Variants in GANC observed in about 807,000 individuals in gnomAD.
The protein encoded by GANC is neutral alpha-glucosidase C.
In GANC, 117 loss-of-function variants were observed where a neutral mutation model predicts 124.2. That is an observed-to-expected ratio of 0.94 (90% CI 0.81 to 1.10). GANC has a LOEUF of 1.10. Ranked by LOEUF, GANC falls within the 50% of genes least tolerant of loss-of-function variation. The pLI is 0.00. For missense variants in GANC, 1,140 were observed against 1,095.0 expected (o/e 1.04, Z -0.58); for synonymous variants, 377 against 376.8 (o/e 1.00, Z -0.01).
chr15:42,326,990 C>G (rs2052203191), intron 12 of GANC, among the ~76,000 whole-genome samples: 1 of 152,188 alleles, frequency 6.6e-6, no homozygotes, highest in South Asian at 2.1e-4. Context: ...TAGAGAAACC[C>G]CGTGCCTTTC....
At chr15:42,318,239 G>A (rs1309864132) in intron 10 of GANC, among the ~76,000 whole-genome samples, 2 of 151,946 alleles carry the variant, frequency 1.3e-5, no homozygotes, top group East Asian at 3.9e-4. Flanking sequence ...CTCTTTTCTG[G>A]TTTATTCCCT....
chr15:42,344,583 C>G (rs770075572), intron 19 of GANC: 6 of 152,196 alleles, frequency 3.9e-5, no homozygotes, highest in Non-Finnish European at 7.3e-5. Context: ...GGCGACGGTT[C>G]CATCTGCTAT....
In GANC at chr15:42,273,638, A is replaced by T. The variant is rs1295012176; in HGVS notation, c.-844A>T. The T allele has an allele frequency of 1.7e-6, 1 of 596,188 alleles. No homozygotes were observed. The highest frequency in any genetic ancestry group is 2.9e-6 in the Non-Finnish European group (1 of 348,946). The allele number at this position is 596,188 out of a possible 1,614,324, so 36.9% of individuals were successfully genotyped here. On this transcript the variant is annotated 5_prime_UTR_variant, in exon 1 of 24. It removes an upstream start codon present in the reference 5' UTR. Coordinates refer to ENST00000318010, the MANE Select transcript of GANC (RefSeq NM_198141.3). ...TCAGCTGGGTTAGAGAGATCGCTAC[A>T]TGCCAGCCTGGCCTGAGTCTTTTCT...
At chr15:42,294,543 C>T (rs1202956707) in intron 5 of GANC, among the ~76,000 whole-genome samples, 1 of 146,654 alleles carries the variant, frequency 6.8e-6, no homozygotes, top group Non-Finnish European at 1.5e-5. Context: ...CCATTGCACT[C>T]CAGCCTGGGC....
intron 8 of GANC, 152 bp downstream of exon 8, chr15:42,308,470 G>T: frequency 3.8e-6 from 2 of 530,402 alleles, no homozygotes; most frequent in Non-Finnish European, 6.9e-6. Flanking sequence ...CTCCTTGAAT[G>T]ATCACTCAGA....
At chr15:42,325,813 G>A (rs1043913750) in intron 11 of GANC, among the ~76,000 whole-genome samples, 12 of 152,162 alleles carry the variant, frequency 7.9e-5, no homozygotes, top group African/African-American at 2.7e-4. Flanking sequence ...CTGGATTGCA[G>A]TATCATGATC....
intron 15 of GANC, among the ~76,000 whole-genome samples, chr15:42,336,060 T>C (rs2052280497): frequency 6.6e-6 from 1 of 151,674 alleles, no homozygotes; most frequent in South Asian, 2.1e-4. Flanking sequence ...ATTTATAGAT[T>C]CCGTGCTATT....
At chr15:42,322,266 G>A (rs1018417674) in intron 11 of GANC, among the ~76,000 whole-genome samples, 24 of 152,118 alleles carry the variant, frequency 1.6e-4, no homozygotes, top group African/African-American at 2.4e-4. Flanking sequence ...TTTCAGTTCC[G>A]TTTGTTGTGG....
chr15:42,278,945 T>C (rs1022428327), intron 3 of GANC, among the ~76,000 whole-genome samples: 1 of 152,098 alleles, frequency 6.6e-6, no homozygotes, highest in African/African-American at 2.4e-5. Context: ...CAGTGAGCCA[T>C]GATAGTGCCA....
Position 42,353,177 on chromosome 15 carries a change from C to T in GANC, c.*1038C>T, listed in dbSNP as rs981007164. The T allele has an allele frequency of 2.3e-5, 23 of 985,832 alleles. No individual in the cohort carries two copies. The highest frequency in any genetic ancestry group is 6.2e-5 in the Admixed American group (1 of 16,260). 61.1% of individuals were successfully genotyped at this position (985,832 alleles called of 1,614,324 possible). A position where few individuals can be genotyped will look rare whatever the true frequency, so the allele number is the denominator to read the frequency against. On this transcript the variant is annotated 3_prime_UTR_variant, in exon 24 of 24. Transcript: ENST00000318010. ...TCATGGTGCCCAAGGCTCCACAGAC[C>T]TCAGTGGCTCCCTGCTGCCTGCCAC...
chr15:42,320,138 G>A (rs529073488), intron 10 of GANC, among the ~76,000 whole-genome samples: 2 of 152,246 alleles, frequency 1.3e-5, no homozygotes, highest in African/African-American at 4.8e-5. Context: ...AGCTGAGATC[G>A]TGCCACTGCA....
At chr15:42,327,491 G>C (rs1269826931) in intron 13 of GANC, 49 bp downstream of exon 13, 3 of 1,369,888 alleles carry the variant, frequency 2.2e-6, no homozygotes, top group Non-Finnish European at 3.1e-6. Flanking sequence ...AAGAGTGAAA[G>C]AAGTGGAAAA....
chr15:42,311,553 C>T (rs938409581), intron 10 of GANC, among the ~76,000 whole-genome samples: 1 of 152,130 alleles, frequency 6.6e-6, no homozygotes, highest in African/African-American at 2.4e-5. Flanking sequence ...GTCCTGCAGG[C>T]TGTACAGGAA....
intron 18 of GANC, 31 bp from the exon 19 acceptor site, chr15:42,343,047 T>C (rs374510664): frequency 8.2e-5 from 129 of 1,571,938 alleles, no homozygotes; most frequent in Non-Finnish European, 1.1e-4. Flanking sequence ...CTTATAATGA[T>C]ACTCAACTTT....
At position 42,274,184 on chromosome 15, in the gene GANC, G is replaced by GC; in HGVS notation, c.-295dup. 2.5e-6 allele frequency: 1 copy of GC among 401,118 alleles called. No individual in the cohort carries two copies. The allele number at this position is 401,118 out of a possible 1,614,324, so 24.8% of individuals were successfully genotyped here. ...ACCCTCTAGGACTCATTGCGTACAC[G>GC]CCCTCACCGCCGCCCAGTTTCGGTT... On this transcript the variant is annotated 5_prime_UTR_variant, in exon 1 of 24. Transcript: ENST00000318010.
In GANC at chr15:42,313,805, C is replaced by A. The variant is rs868371722; in HGVS notation, c.1057+2959C>A. On this transcript the variant is annotated intron_variant, in intron 10 of 23. Coordinates refer to ENST00000318010, the MANE Select transcript of GANC (RefSeq NM_198141.3). The stretch of plus-strand genomic sequence containing the variant: ...GACATGGGCTGGGCACAGTGGCTCA[C>A]GCCTGTAATCCCAGTGCTTTGGGAA... 3.3e-5 allele frequency: 16 copies of A among 483,940 alleles called. 1 individual carries two copies. The South Asian group carries it at 3.9e-4, about 12-fold the overall frequency. 30.0% of individuals were successfully genotyped at this position (483,940 alleles called of 1,614,324 possible).
intron 6 of GANC, among the ~76,000 whole-genome samples, chr15:42,297,976 T>C (rs899382971): frequency 6.6e-6 from 1 of 152,116 alleles, no homozygotes; most frequent in South Asian, 2.1e-4. Flanking sequence ...TTAGAATCTA[T>C]TGGGAAAGAC....
intron 5 of GANC, among the ~76,000 whole-genome samples, chr15:42,294,142 A>G (rs908582944): frequency 5.9e-5 from 9 of 151,458 alleles, no homozygotes; most frequent in African/African-American, 1.5e-4. Flanking sequence ...TTTCCTATCT[A>G]AGTTGATCCT....
rs779761506 is a variant in GANC at position 42,278,508 on chromosome 15, A to C, written c.119A>C (p.Lys40Thr). Residue 40 changes from lysine (K) to threonine (T), a missense_variant, in exon 3 of 24, where the codon AAG (lysine) becomes ACG (threonine). Transcript: ENST00000318010. ...YRRQKQWLSK[K>T]STYQALLDSV... ...CGTCAGAAACAGTGGCTTTCCAAGA[A>C]GTCCACCTATCAGGCATTATTGGAT... 1.2e-6 allele frequency: 2 copies of C among 1,611,514 alleles called. No individual in the cohort carries two copies. The highest frequency in any genetic ancestry group is 1.7e-6 in the Non-Finnish European group (2 of 1,178,836).
Sources: allele counts gnomAD v4.1 joint callset (sites outside exome capture counted in the v4.1 genomes callset), GRCh38; gene constraint gnomAD v4.1.1; transcripts MANE v1.5; gene names NCBI Gene and HGNC (gene_info 2026-07-23, HGNC 2026-07-21).